ROBO2: variants seen among roughly 807,000 people sequenced by gnomAD.
ROBO2 encodes the protein roundabout guidance receptor 2.
A neutral mutation model predicts 160.8 loss-of-function variants in ROBO2; 53 were observed. The observed-to-expected ratio is 0.33, with a 90% CI of 0.26 to 0.41. The LOEUF is 0.41. Among genes scored for constraint, ROBO2 ranks in the 10% least tolerant of loss-of-function variants. The probability of loss-of-function intolerance (pLI) is 1.00; values close to 1 mark genes in which losing one functional copy is unlikely to be tolerated. For missense variants in ROBO2, 1,577 were observed against 1,722.4 expected (o/e 0.92, Z 1.49); for synonymous variants, 664 against 611.7 (o/e 1.09, Z -1.26).
chr3:75,996,544 A>C (rs887736473), intron 2 of ROBO2, among the ~76,000 whole-genome samples: 1 of 152,216 alleles, frequency 6.6e-6, no homozygotes, highest in Non-Finnish European at 1.5e-5. Context: ...AATAGACCTT[A>C]GTGACTAAGA....
chr3:76,854,072 C>T (rs796221705), intron 2 of ROBO2, among the ~76,000 whole-genome samples: 2 of 71,648 alleles, frequency 2.8e-5, no homozygotes, highest in South Asian at 4.8e-4. Context: ...CTCTCTTTCT[C>T]TGTCTGCCTC....
At chr3:77,244,096 TA>T (rs1329520204) in intron 2 of ROBO2, among the ~76,000 whole-genome samples, 2 of 152,202 alleles carry the variant, frequency 1.3e-5, no homozygotes, top group African/African-American at 4.8e-5. Context: ...ATAATATACG[TA>T]AGTGTTCATG....
intron 5 of ROBO2, among the ~76,000 whole-genome samples, chr3:77,500,041 A>G (rs2087354231): frequency 6.6e-6 from 1 of 152,154 alleles, no homozygotes; most frequent in South Asian, 2.1e-4. Context: ...TAAGCTATAC[A>G]TTCTCCTGGT....
chr3:76,992,911 G>A (rs186525365), intron 2 of ROBO2, among the ~76,000 whole-genome samples: 27 of 152,152 alleles, frequency 1.8e-4, no homozygotes, highest in African/African-American at 6.5e-4. Flanking sequence ...TCCACCTGCC[G>A]GGTTCAAGTG....
chr3:75,956,595 G>C (rs2107234353), intron 2 of ROBO2, among the ~76,000 whole-genome samples: 1 of 151,822 alleles, frequency 6.6e-6, no homozygotes, highest in East Asian at 2.0e-4. Flanking sequence ...TAGGGTCACT[G>C]AGATGAGCCT....
intron 2 of ROBO2, among the ~76,000 whole-genome samples, chr3:76,214,517 C>G (rs150294401): frequency 0.01 from 1,578 of 152,300 alleles, 15 homozygotes; most frequent in Middle Eastern, 0.051. Context: ...GAGATTATAT[C>G]CCGCACCTGG....
At chr3:77,401,295 A>G (rs900069718) in intron 2 of ROBO2, among the ~76,000 whole-genome samples, 6 of 151,694 alleles carry the variant, frequency 4.0e-5, no homozygotes, top group African/African-American at 9.7e-5. Context: ...GGGGATTTCA[A>G]TCCTTAAAAG....
intron 2 of ROBO2, among the ~76,000 whole-genome samples, chr3:77,441,158 G>A (rs1355726337): frequency 3.3e-5 from 5 of 151,818 alleles, no homozygotes; most frequent in African/African-American, 7.3e-5. Context: ...GCCATTCGTT[G>A]CCCAACTGGC....
chr3:76,250,518 G>T (rs1049222543), intron 2 of ROBO2, among the ~76,000 whole-genome samples: 1 of 151,936 alleles, frequency 6.6e-6, no homozygotes, highest in African/African-American at 2.4e-5. Context: ...GAGAGTTTGG[G>T]TTGCCATATC....
intron 2 of ROBO2, among the ~76,000 whole-genome samples, chr3:76,939,429 C>A (rs577852503): frequency 1.9e-4 from 29 of 152,262 alleles, no homozygotes; most frequent in Middle Eastern, 6.8e-3. Context: ...TATAAGATTT[C>A]CTTCTTGTGA....
intron 6 of ROBO2, among the ~76,000 whole-genome samples, chr3:77,525,636 A>AT (rs1475365834): frequency 6.6e-6 from 1 of 151,254 alleles, no homozygotes; most frequent in East Asian, 1.9e-4. Context: ...CCCATTTTTA[A>AT]TTTTTTAATT....
chr3:76,762,252 T>C (rs187290941), intron 2 of ROBO2, among the ~76,000 whole-genome samples: 226 of 151,734 alleles, frequency 1.5e-3, no homozygotes, highest in African/African-American at 5.4e-3. Context: ...TGAACAATTT[T>C]AGGGTGAACA....
At chr3:75,993,169 G>A (rs2065623294) in intron 2 of ROBO2, among the ~76,000 whole-genome samples, 1 of 152,106 alleles carries the variant, frequency 6.6e-6, no homozygotes, top group African/African-American at 2.4e-5. Flanking sequence ...ATGAGATTTG[G>A]GAGGGTCCAG....
At chr3:76,273,171 CTTTT>C (rs1707698473) in intron 2 of ROBO2, among the ~76,000 whole-genome samples, 1 of 128,898 alleles carries the variant, frequency 7.8e-6, no homozygotes, top group Non-Finnish European at 1.6e-5. Flanking sequence ...GGAAACTCAT[CTTTT>C]TTATTTACAT....
intron 2 of ROBO2, among the ~76,000 whole-genome samples, chr3:77,378,010 A>G (rs1464240652): frequency 3.3e-5 from 5 of 152,156 alleles, no homozygotes; most frequent in African/African-American, 1.2e-4. Flanking sequence ...GGTCATGTCT[A>G]TATTTACTGG....
At chr3:77,493,219 C>A (rs769228692) in intron 4 of ROBO2, 25 bp from the exon 5 acceptor site, 18 of 1,610,346 alleles carry the variant, frequency 1.1e-5, no homozygotes, top group South Asian at 2.2e-5. Context: ...TCTCATTTTA[C>A]CATTGTTTCA....
chr3:76,849,075 G>T (rs1380198338), intron 2 of ROBO2, among the ~76,000 whole-genome samples: 1 of 152,096 alleles, frequency 6.6e-6, no homozygotes, highest in Admixed American at 6.6e-5. Context: ...AACTGGCTCT[G>T]CACCTAAGGC....
intron 2 of ROBO2, among the ~76,000 whole-genome samples, chr3:76,286,514 C>T (rs576058072): frequency 6.6e-6 from 1 of 152,106 alleles, no homozygotes; most frequent in South Asian, 2.1e-4. Flanking sequence ...TTCAGCATCA[C>T]TTTGTTGTCA....
chr3:76,258,163 T>C (rs998928123), intron 2 of ROBO2, among the ~76,000 whole-genome samples: 1 of 152,042 alleles, frequency 6.6e-6, no homozygotes, highest in African/African-American at 2.4e-5. Context: ...ACTTTTTTTT[T>C]CCAACATAAA....
Sources: allele counts gnomAD v4.1 joint callset (sites outside exome capture counted in the v4.1 genomes callset), GRCh38; gene constraint gnomAD v4.1.1; transcripts MANE v1.5; gene names NCBI Gene and HGNC (gene_info 2026-07-23, HGNC 2026-07-21).